Variants in TMEM154 observed in about 807,000 individuals in gnomAD.
TMEM154 encodes transmembrane protein 154.
In TMEM154, 27 loss-of-function variants were observed where a neutral mutation model predicts 24.5. The observed-to-expected ratio is 1.10, with a 90% CI of 0.81 to 1.52. TMEM154 has a LOEUF of 1.52. TMEM154 is among the 40% of genes most tolerant of loss of function. The probability of loss-of-function intolerance (pLI) is 0.00; values close to 1 mark genes in which losing one functional copy is unlikely to be tolerated. For synonymous variants in TMEM154, 67 were observed against 76.8 expected (o/e 0.87, Z 0.67); for missense variants, 228 against 213.4 (o/e 1.07, Z -0.43).
chr4:152,639,454 C>T (rs910905481), intron 6 of TMEM154, among the ~76,000 whole-genome samples: 2 of 152,074 alleles, frequency 1.3e-5, no homozygotes, highest in African/African-American at 4.8e-5. Flanking sequence ...GATCTGAGCC[C>T]TATACCAGAC....
intron 3 of TMEM154, among the ~76,000 whole-genome samples, chr4:152,650,315 T>C (rs1344136139): frequency 6.6e-6 from 1 of 152,184 alleles, no homozygotes; most frequent in Non-Finnish European, 1.5e-5. Context: ...TTCTAAATCC[T>C]CTGTTGTCAT....
Position 152,624,914 on chromosome 4 carries a change from GAA to G in TMEM154, c.*3630_*3631del, listed in dbSNP as rs1209202069. The G allele has an allele frequency of 6.6e-6, 1 of 152,208 alleles. No individual in the cohort carries two copies. The highest frequency in any genetic ancestry group is 1.5e-5 in the Non-Finnish European group (1 of 68,030). The allele number at this position is 152,208 out of a possible 1,614,324, so 9.4% of individuals were successfully genotyped here. A position where few individuals can be genotyped will look rare whatever the true frequency, so the allele number is the denominator to read the frequency against. ...ATTCATCCTGAATGTCTCTGAATGT[GAA>G]AAGTCACATGCGTTAATTTAATTCA... On this transcript the variant is annotated 3_prime_UTR_variant, in exon 7 of 7. Transcript: ENST00000304385.
chr4:152,669,747 C>T (rs998173151), intron 1 of TMEM154: 10 of 151,290 alleles, frequency 6.6e-5, no homozygotes, highest in African/African-American at 2.5e-4. Flanking sequence ...CTGAAAATTA[C>T]AGTGTAGTGT....
At chr4:152,651,645 C>A (rs905599322) in intron 3 of TMEM154, among the ~76,000 whole-genome samples, 1 of 152,182 alleles carries the variant, frequency 6.6e-6, no homozygotes, top group Non-Finnish European at 1.5e-5. Context: ...GATCTTCTAC[C>A]CAGACCACTG....
intron 1 of TMEM154, among the ~76,000 whole-genome samples, chr4:152,654,863 A>G (rs1446716132): frequency 6.6e-6 from 1 of 152,224 alleles, no homozygotes; most frequent in Non-Finnish European, 1.5e-5. Context: ...TAAGACAGTA[A>G]GAATCTAATT....
intron 6 of TMEM154, among the ~76,000 whole-genome samples, chr4:152,633,465 T>C (rs139643634): frequency 6.6e-6 from 1 of 152,240 alleles, no homozygotes; most frequent in Non-Finnish European, 1.5e-5. Flanking sequence ...TTATTTTCTC[T>C]GTGGAATCAT....
At chr4:152,644,571 A>T in intron 3 of TMEM154, 129 bp from the exon 4 acceptor site, 1 of 878,612 alleles carries the variant, frequency 1.1e-6, no homozygotes, top group East Asian at 2.6e-5. Context: ...TAAAGGAGCG[A>T]TCATTAACTT....
chr4:152,665,736 G>A (rs1561056484), intron 1 of TMEM154, among the ~76,000 whole-genome samples: 2 of 151,118 alleles, frequency 1.3e-5, no homozygotes, highest in East Asian at 1.9e-4. Flanking sequence ...ATTGTTGGGC[G>A]TAGTCTTACA....
At chr4:152,629,291 G>A (rs1176534043) in intron 6 of TMEM154, among the ~76,000 whole-genome samples, 1 of 152,176 alleles carries the variant, frequency 6.6e-6, no homozygotes, top group Non-Finnish European at 1.5e-5. Flanking sequence ...AAGAGTTTGT[G>A]GTCCTGGCAT....
rs747613909 is a variant in TMEM154, at chr4:152,628,565, T to TAAAAAAAAAAAAAAA, written c.537-19_537-5dup. ...TCAGGTTTAGGATTCACTGTCACTG[T>TAAAAAAAAAAAAAAA]AAAAAAAAAAAAAAAAAAAAAAAAA... On this transcript the variant is annotated splice_region_variant and splice_polypyrimidine_tract_variant and intron_variant, in intron 6 of 6. Coordinates refer to ENST00000304385, the MANE Select transcript of TMEM154 (RefSeq NM_152680.3). 5 of 518,602 alleles carry TAAAAAAAAAAAAAAA rather than the reference T, an allele frequency of 9.6e-6. 1 individual carries two copies. Among genetic ancestry groups the TAAAAAAAAAAAAAAA allele is most frequent in the South Asian group, 9.0e-5 (3 of 33,296 alleles). The allele number at this position is 518,602 out of a possible 1,614,324, so 32.1% of individuals were successfully genotyped here. A position where few individuals can be genotyped will look rare whatever the true frequency, so the allele number is the denominator to read the frequency against.
chr4:152,676,581 T>C (rs1728956248), intron 1 of TMEM154, among the ~76,000 whole-genome samples: 1 of 152,214 alleles, frequency 6.6e-6, no homozygotes. Flanking sequence ...GAATGTAGCA[T>C]TTAGAATAGT....
intron 3 of TMEM154, chr4:152,646,471 G>A (rs1728237679): frequency 1.9e-5 from 3 of 157,100 alleles, no homozygotes; most frequent in African/African-American, 7.2e-5. Flanking sequence ...ATTAAACCAG[G>A]AGGAAGACCA....
At chr4:152,650,498 C>T (rs1728356468) in intron 3 of TMEM154, among the ~76,000 whole-genome samples, 1 of 152,172 alleles carries the variant, frequency 6.6e-6, no homozygotes, top group Admixed American at 6.5e-5. Flanking sequence ...TTCTCTTGTT[C>T]TTTCTACCAC....
At chr4:152,673,784 T>C (rs559913749) in intron 1 of TMEM154, among the ~76,000 whole-genome samples, 3 of 152,218 alleles carry the variant, frequency 2.0e-5, no homozygotes, top group Non-Finnish European at 4.4e-5. Context: ...TTATTTTTCC[T>C]TTTGTTGATA....
intron 3 of TMEM154, among the ~76,000 whole-genome samples, chr4:152,648,658 G>A (rs1728313277): frequency 6.6e-6 from 1 of 152,224 alleles, no homozygotes; most frequent in Non-Finnish European, 1.5e-5. Flanking sequence ...AGTGTTGTTA[G>A]AGTGGAGGAT....
rs550563241 is a variant in TMEM154, at chr4:152,650,212, T to C, written c.364+2326A>G. On this transcript the variant is annotated intron_variant, in intron 3 of 6. Coordinates refer to ENST00000304385, the MANE Select transcript of TMEM154 (RefSeq NM_152680.3). ...TTCTCTGTAGCATACAATGCTTTGT[T>C]TGATAGCATTTTATCTGCAATAGAA... 2.0e-5 allele frequency among the ~76,000 whole-genome samples: 3 copies of C among 152,350 alleles called. No individual in the cohort carries two copies. The South Asian group carries it at 6.2e-4, about 32-fold the overall frequency.
intron 1 of TMEM154, among the ~76,000 whole-genome samples, chr4:152,656,538 T>C (rs919089665): frequency 2.0e-5 from 3 of 152,064 alleles, no homozygotes; most frequent in Non-Finnish European, 4.4e-5. Context: ...CTAATGTACA[T>C]ACCCAGAATC....
At chr4:152,637,352 C>A (rs577459498) in intron 6 of TMEM154, among the ~76,000 whole-genome samples, 1 of 152,098 alleles carries the variant, frequency 6.6e-6, no homozygotes, top group Non-Finnish European at 1.5e-5. Context: ...TCAAGGCCAG[C>A]CTGACCAATG....
At chr4:152,675,156 CAAAAAAAAA>C (rs368552348) in intron 1 of TMEM154, among the ~76,000 whole-genome samples, 3 of 83,174 alleles carry the variant, frequency 3.6e-5, no homozygotes, top group Non-Finnish European at 6.2e-5. Flanking sequence ...GGCTCCATCT[CAAAAAAAAA>C]AAAAAAAAAA....
Sources: allele counts gnomAD v4.1 joint callset (sites outside exome capture counted in the v4.1 genomes callset), GRCh38; gene constraint gnomAD v4.1.1; transcripts MANE v1.5; gene names NCBI Gene and HGNC (gene_info 2026-07-23, HGNC 2026-07-21).